STXBP5L: variants seen among roughly 807,000 people sequenced by gnomAD.
The protein encoded by STXBP5L is syntaxin-binding protein 5-like.
Under a neutral mutation model 144.5 loss-of-function variants are expected in STXBP5L, and 65 were observed. That is an observed-to-expected ratio of 0.45 (90% CI 0.37 to 0.55). The LOEUF is 0.55. STXBP5L is among the 20% of genes least tolerant of loss of function. The pLI is 0.00. For missense variants in STXBP5L, 1,298 were observed against 1,405.5 expected (o/e 0.92, Z 1.22); for synonymous variants, 505 against 469.6 (o/e 1.08, Z -0.97).
At chr3:121,334,622 C>CA (rs1460061545) in intron 20 of STXBP5L, among the ~76,000 whole-genome samples, 1 of 152,070 alleles carries the variant, frequency 6.6e-6, no homozygotes, top group African/African-American at 2.4e-5. Flanking sequence ...TCCAGCAACA[C>CA]ATCAAAAAGC....
chr3:121,337,605 A>G (rs1251962641), intron 20 of STXBP5L, among the ~76,000 whole-genome samples: 1 of 152,146 alleles, frequency 6.6e-6, no homozygotes, highest in Non-Finnish European at 1.5e-5. Flanking sequence ...TCATCACAAT[A>G]ATTGTGGGGG....
At chr3:121,276,869 A>T (rs1395506392) in intron 18 of STXBP5L, among the ~76,000 whole-genome samples, 2 of 151,640 alleles carry the variant, frequency 1.3e-5, no homozygotes, top group Non-Finnish European at 2.9e-5. Flanking sequence ...TATTATCTGC[A>T]GGCTTATTAC....
At chr3:120,964,877 A>G (rs535879482) in intron 3 of STXBP5L, among the ~76,000 whole-genome samples, 1 of 152,232 alleles carries the variant, frequency 6.6e-6, no homozygotes, top group Admixed American at 6.5e-5. Context: ...GGGGTGTTAA[A>G]ATCTCCCATT....
chr3:121,344,961 T>A (rs576899849), intron 20 of STXBP5L, among the ~76,000 whole-genome samples: 1 of 149,852 alleles, frequency 6.7e-6, no homozygotes, highest in African/African-American at 2.4e-5. Context: ...ATATATAAGA[T>A]TATATATATA....
At chr3:121,044,803 A>G (rs565699460) in intron 4 of STXBP5L, among the ~76,000 whole-genome samples, 25 of 152,150 alleles carry the variant, frequency 1.6e-4, no homozygotes, top group Non-Finnish European at 2.6e-4. Context: ...AATAGGATTC[A>G]TTTGTATTTG....
chr3:121,362,267 G>T (rs142990239), intron 20 of STXBP5L, among the ~76,000 whole-genome samples: 2 of 152,148 alleles, frequency 1.3e-5, no homozygotes, highest in Non-Finnish European at 2.9e-5. Flanking sequence ...CTCACCCAAG[G>T]CCTGCTATAA....
chr3:120,927,592 G>A (rs539810942), intron 2 of STXBP5L, among the ~76,000 whole-genome samples: 31 of 152,296 alleles, frequency 2.0e-4, no homozygotes, highest in Non-Finnish European at 3.8e-4. Flanking sequence ...TGAGTTGGGG[G>A]AAATTTTCTT....
chr3:120,952,071 C>T (rs991957518), intron 2 of STXBP5L, among the ~76,000 whole-genome samples: 19 of 150,826 alleles, frequency 1.3e-4, no homozygotes, highest in Non-Finnish European at 2.2e-4. Flanking sequence ...AACCAAACAC[C>T]GCATATTCTC....
intron 23 of STXBP5L, among the ~76,000 whole-genome samples, chr3:121,408,062 A>G (rs2047035630): frequency 6.6e-6 from 1 of 152,046 alleles, no homozygotes; most frequent in East Asian, 1.9e-4. Flanking sequence ...ACATAGGAAA[A>G]TAAACTATTA....
At position 121,421,339 on chromosome 3, in the gene STXBP5L, G is replaced by A. The variant is rs576804310; in HGVS notation, c.*2242G>A. 3 of 152,106 alleles carry A rather than the reference G, an allele frequency of 2.0e-5. No individual in the cohort carries two copies. Among genetic ancestry groups the A allele is most frequent in the South Asian group, 4.1e-4 (2 of 4,828 alleles). 9.4% of individuals were successfully genotyped at this position (152,106 alleles called of 1,614,324 possible). The stretch of plus-strand genomic sequence containing the variant: ...AACTTGTTTTAACTTGATCTACATC[G>A]AGATTTCTCAAAAGCAGCACTATTA... On this transcript the variant is annotated 3_prime_UTR_variant, in exon 27 of 27. Coordinates refer to ENST00000471454, the MANE Select transcript of STXBP5L (RefSeq NM_001308330.2).
intron 3 of STXBP5L, among the ~76,000 whole-genome samples, chr3:121,008,157 T>A (rs1381228452): frequency 6.6e-6 from 1 of 151,980 alleles, no homozygotes; most frequent in Non-Finnish European, 1.5e-5. Flanking sequence ...TCCATTTGCT[T>A]ATAAGTGATT....
Position 121,218,812 on chromosome 3 carries a change from T to A in STXBP5L, c.957-4191T>A, listed in dbSNP as rs116703531. 8.2e-3 allele frequency among the ~76,000 whole-genome samples: 1,251 copies of A among 152,232 alleles called. 22 individuals carry two copies. Among genetic ancestry groups the A allele is most frequent in the African/African-American group, 0.028 (1,170 of 41,546 alleles). ...TTTGAAGTAAGACAGTTGTGTGACCTTGCAAAGTTTAATTAACTCTCTTAA... is the reference window on the plus strand; with the variant it reads ...TTTGAAGTAAGACAGTTGTGTGACCATGCAAAGTTTAATTAACTCTCTTAA... On this transcript the variant is annotated intron_variant, in intron 10 of 26. Coordinates refer to ENST00000471454, the MANE Select transcript of STXBP5L (RefSeq NM_001308330.2).
chr3:120,927,232 G>A (rs990793651), intron 2 of STXBP5L, among the ~76,000 whole-genome samples: 6 of 152,140 alleles, frequency 3.9e-5, no homozygotes, highest in African/African-American at 7.2e-5. Context: ...ACTACGCCCA[G>A]CCAATTTTTC....
intron 2 of STXBP5L, among the ~76,000 whole-genome samples, chr3:120,916,862 AATGTTCAGTTT>A (rs756287202): frequency 9.9e-5 from 15 of 152,210 alleles, no homozygotes; most frequent in Non-Finnish European, 2.2e-4. Flanking sequence ...TGGATTGGTT[AATGTTCAGTTT>A]ACTTTGTTCC....
At chr3:121,183,618 AAAGG>A (rs561621964) in intron 9 of STXBP5L, among the ~76,000 whole-genome samples, 162 of 151,742 alleles carry the variant, frequency 1.1e-3, no homozygotes, top group Non-Finnish European at 1.2e-3. Flanking sequence ...AAAGGAAAAG[AAAGG>A]AAGGGAGGGA....
chr3:121,259,814 T>C (rs2050328554), intron 18 of STXBP5L, among the ~76,000 whole-genome samples: 1 of 151,950 alleles, frequency 6.6e-6, no homozygotes, highest in Admixed American at 6.6e-5. Flanking sequence ...TTCCTGGTTT[T>C]TTTTTTAATT....
At chr3:121,019,609 C>T (rs1248898993) in intron 3 of STXBP5L, among the ~76,000 whole-genome samples, 1 of 152,180 alleles carries the variant, frequency 6.6e-6, no homozygotes, top group Non-Finnish European at 1.5e-5. Context: ...TTTGCAGACA[C>T]TCCCCACCCA....
intron 24 of STXBP5L, 72 bp downstream of exon 24, chr3:121,413,395 AAAAAT>A: frequency 1.5e-6 from 2 of 1,344,546 alleles, no homozygotes; most frequent in Non-Finnish European, 2.0e-6. Context: ...GTCTAAAAAC[AAAAAT>A]ATTATTAGGT....
chr3:120,952,169 G>T (rs909515926), intron 2 of STXBP5L, among the ~76,000 whole-genome samples: 1 of 147,916 alleles, frequency 6.8e-6, no homozygotes, highest in African/African-American at 2.5e-5. Flanking sequence ...GTGGGGGGAT[G>T]GGGGAGGGAT....
Sources: gnomAD v4.1 joint callset for allele counts (sites outside exome capture counted in the v4.1 genomes callset) on GRCh38, gnomAD v4.1.1 for gene constraint, MANE v1.5 for transcripts, NCBI Gene and HGNC (gene_info 2026-07-23, HGNC 2026-07-21) for gene names.